The following CNTNAP2 variants were observed in gnomAD, a reference collection of about 807,000 sequenced individuals.
CNTNAP2 encodes the protein contactin associated protein 2.
In CNTNAP2, 98 loss-of-function variants were observed where a neutral mutation model predicts 155.2. That is an observed-to-expected ratio of 0.63 (90% CI 0.54 to 0.75). The LOEUF (loss-of-function observed/expected upper bound fraction) is 0.75. Among genes scored for constraint, CNTNAP2 ranks in the 30% least tolerant of loss-of-function variants. The pLI is 0.00. For synonymous variants in CNTNAP2, 651 were observed against 631.2 expected, an observed-to-expected ratio of 1.03 and a Z score of -0.47; for missense variants, 1,727 against 1,688.1, an observed-to-expected ratio of 1.02 and a Z score of -0.40.
chr7:147,728,851 A>G (rs1723415594), intron 13 of CNTNAP2, among the ~76,000 whole-genome samples: 1 of 151,874 alleles, frequency 6.6e-6, no homozygotes, highest in African/African-American at 2.4e-5. Flanking sequence ...ATCCTAATCA[A>G]TTACTTAAAT....
chr7:146,180,616 C>T (rs940932), intron 1 of CNTNAP2, among the ~76,000 whole-genome samples: 43,961 of 151,954 alleles, frequency 0.29, 7,199 homozygotes, highest in African/African-American at 0.44. Context: ...CACCTTCATT[C>T]TTCCTCAATC....
chr7:146,937,452 G>A (rs770262944), intron 3 of CNTNAP2, among the ~76,000 whole-genome samples: 45 of 152,046 alleles, frequency 3.0e-4, no homozygotes, highest in Non-Finnish European at 4.7e-4. Flanking sequence ...TAAAGTTTAA[G>A]TTGTTCTCAC....
rs1342844761 is a variant in CNTNAP2, at chr7:148,147,562, C to T, written c.2626C>T (p.Pro876Ser). Residue 876 changes from proline (P) to serine (S), a missense_variant, in exon 17 of 24, where the codon CCT becomes TCT. By Grantham distance (74) the Pro-to-Ser change is moderately conservative (BLOSUM62 -1). Coordinates refer to ENST00000361727, the MANE Select transcript of CNTNAP2 (RefSeq NM_014141.6). Reference protein sequence around the residue: ...PVEIVVRSPTPLNDDQWHRVT... With the variant: ...PVEIVVRSPTSLNDDQWHRVT... ...AGAGATTGTAGTGAGGTCACCAACC[C>T]CTCTCAACGATGACCAGTGGCACCG... The T allele has an allele frequency of 6.2e-7, 1 of 1,614,070 alleles. No homozygotes were observed. Among genetic ancestry groups the T allele is most frequent in the Non-Finnish European group, 8.5e-7 (1 of 1,180,028 alleles).
At chr7:146,746,399 A>AT (rs35052093) in intron 1 of CNTNAP2, among the ~76,000 whole-genome samples, 4 of 152,116 alleles carry the variant, frequency 2.6e-5, no homozygotes, top group African/African-American at 9.7e-5. Flanking sequence ...ATATGTTTTC[A>AT]TTTTTTGTGG....
In CNTNAP2 at chr7:148,173,847, T is replaced by C. The variant is rs551701950; in HGVS notation, c.3010+1369T>C. The stretch of plus-strand genomic sequence containing the variant: ...TTGCCAAAGTAATGTCTGAATGCAA[T>C]CAAGTAAGCACTAATGCCTGCGAGA... On this transcript the variant is annotated intron_variant, in intron 18 of 23. Transcript: ENST00000361727. 1.1e-3 allele frequency among the ~76,000 whole-genome samples: 161 copies of C among 152,342 alleles called. 3 individuals carry two copies. The South Asian group carries it at 0.032, about 30-fold the overall frequency.
intron 9 of CNTNAP2, among the ~76,000 whole-genome samples, chr7:147,348,801 A>G (rs1207960566): frequency 6.6e-6 from 1 of 152,046 alleles, no homozygotes; most frequent in Non-Finnish European, 1.5e-5. Flanking sequence ...ACAATGGAAT[A>G]CTATTCACCT....
intron 4 of CNTNAP2, among the ~76,000 whole-genome samples, chr7:147,073,761 G>A (rs1799943196): frequency 6.6e-6 from 1 of 152,134 alleles, no homozygotes; most frequent in African/African-American, 2.4e-5. Context: ...CATGCAAGAT[G>A]AGGACTAAAA....
At chr7:146,816,166 A>C (rs199978270) in intron 2 of CNTNAP2, among the ~76,000 whole-genome samples, 1 of 152,104 alleles carries the variant, frequency 6.6e-6, no homozygotes, top group African/African-American at 2.4e-5. Flanking sequence ...TATCATTGAT[A>C]GACATTTGGG....
chr7:147,158,088 G>A (rs114980796), intron 8 of CNTNAP2, among the ~76,000 whole-genome samples: 2,375 of 152,016 alleles, frequency 0.016, 74 homozygotes, highest in African/African-American at 0.053. Flanking sequence ...CAAATCTCTC[G>A]TTTCTTTGAG....
chr7:147,953,098 G>A (rs1800962690), intron 14 of CNTNAP2, among the ~76,000 whole-genome samples: 1 of 152,128 alleles, frequency 6.6e-6, no homozygotes, highest in African/African-American at 2.4e-5. Context: ...TGTACTCTTT[G>A]CCTCTCAAAT....
intron 1 of CNTNAP2, among the ~76,000 whole-genome samples, chr7:146,220,228 G>A (rs892486586): frequency 3.3e-5 from 5 of 152,050 alleles, no homozygotes; most frequent in African/African-American, 1.2e-4. Context: ...TGGCGTCAAG[G>A]AATGCTTGTA....
intron 1 of CNTNAP2, among the ~76,000 whole-genome samples, chr7:146,530,866 T>G (rs1797759441): frequency 6.6e-6 from 1 of 152,196 alleles, no homozygotes; most frequent in South Asian, 2.1e-4. Flanking sequence ...AGCAATTCCA[T>G]TATTGCATGT....
intron 1 of CNTNAP2, among the ~76,000 whole-genome samples, chr7:146,333,444 C>T (rs1164194096): frequency 6.6e-6 from 1 of 152,114 alleles, no homozygotes; most frequent in Non-Finnish European, 1.5e-5. Flanking sequence ...AGTAGAAACA[C>T]AAGCCTGTTA....
At chr7:148,107,334 T>C (rs1436912435) in intron 15 of CNTNAP2, among the ~76,000 whole-genome samples, 2 of 152,194 alleles carry the variant, frequency 1.3e-5, no homozygotes, top group African/African-American at 4.8e-5. Context: ...ATCCCCATTC[T>C]AGCCCAAAGG....
chr7:147,069,888 TG>T (rs2129265084), intron 4 of CNTNAP2, among the ~76,000 whole-genome samples: 1 of 152,316 alleles, frequency 6.6e-6, no homozygotes, highest in Non-Finnish European at 1.5e-5. Context: ...ACAGAATTTT[TG>T]TTATTAACTA....
intron 12 of CNTNAP2, among the ~76,000 whole-genome samples, chr7:147,620,990 A>C (rs1794838057): frequency 6.6e-6 from 1 of 152,180 alleles, no homozygotes; most frequent in African/African-American, 2.4e-5. Context: ...ACAAGAGAAA[A>C]GAAGCATATA....
At chr7:146,831,148 T>A (rs1349499589) in intron 2 of CNTNAP2, among the ~76,000 whole-genome samples, 1 of 152,200 alleles carries the variant, frequency 6.6e-6, no homozygotes, top group African/African-American at 2.4e-5. Context: ...ACCCCATTCA[T>A]CTTTTTCCTA....
At position 147,465,188 on chromosome 7, in the gene CNTNAP2, G is replaced by A. The variant is rs904896517; in HGVS notation, c.1671-20747G>A. Among the ~76,000 whole-genome samples, 6 of 152,188 alleles carry A rather than the reference G, an allele frequency of 3.9e-5. No homozygotes were observed. In the East Asian group the frequency reaches 1.2e-3, roughly 29 times the overall value. On this transcript the variant is annotated intron_variant, in intron 10 of 23. Coordinates refer to ENST00000361727, the MANE Select transcript of CNTNAP2 (RefSeq NM_014141.6). The stretch of plus-strand genomic sequence containing the variant: ...GGCAGAGAGACAAGAGGACATGGTT[G>A]AAAAACTACCTACGGAAAACTTTAT...
chr7:147,331,618 C>T (rs547888461), intron 9 of CNTNAP2, among the ~76,000 whole-genome samples: 1 of 152,114 alleles, frequency 6.6e-6, no homozygotes, highest in South Asian at 2.1e-4. Flanking sequence ...ACAAATGAGA[C>T]TTAGAAAAAG....
Sources: gnomAD v4.1 joint callset for allele counts (sites outside exome capture counted in the v4.1 genomes callset) on GRCh38, gnomAD v4.1.1 for gene constraint, MANE v1.5 for transcripts, NCBI Gene and HGNC (gene_info 2026-07-23, HGNC 2026-07-21) for gene names.